Variants in ABLIM3 observed in about 807,000 individuals in gnomAD.
ABLIM3 encodes actin-binding LIM protein 3.
Under a neutral mutation model 109.5 loss-of-function variants are expected in ABLIM3, and 61 were observed. The observed-to-expected ratio is 0.56, with a 90% CI of 0.45 to 0.69. The LOEUF is 0.69. Among genes scored for constraint, ABLIM3 ranks in the 30% least tolerant of loss-of-function variants. The pLI is 0.00. For synonymous variants in ABLIM3, 300 were observed against 324.8 expected, an observed-to-expected ratio of 0.92 and a Z score of 0.82; for missense variants, 796 against 889.5, an observed-to-expected ratio of 0.89 and a Z score of 1.34.
At chr5:149,245,655 G>A (rs1474765314) in intron 16 of ABLIM3, among the ~76,000 whole-genome samples, 1 of 151,468 alleles carries the variant, frequency 6.6e-6, no homozygotes, top group Non-Finnish European at 1.5e-5. Flanking sequence ...GTAAAAAATG[G>A]TTGGGAGGAT....
intron 5 of ABLIM3, among the ~76,000 whole-genome samples, chr5:149,202,726 A>T (rs72837039): frequency 0.031 from 4,656 of 152,276 alleles, 105 homozygotes; most frequent in Non-Finnish European, 0.049. Flanking sequence ...ACCAAGAAAA[A>T]TACTCAGGAA....
intron 8 of ABLIM3, among the ~76,000 whole-genome samples, chr5:149,225,631 G>A (rs1443606699): frequency 6.6e-6 from 1 of 152,078 alleles, no homozygotes; most frequent in Non-Finnish European, 1.5e-5. Flanking sequence ...GTGACGTTTT[G>A]TGAGATTTTA....
intron 2 of ABLIM3, among the ~76,000 whole-genome samples, chr5:149,143,583 A>G (rs1580966689): frequency 6.6e-6 from 1 of 151,814 alleles, no homozygotes; most frequent in Admixed American, 6.6e-5. Context: ...TGAAAATAAA[A>G]TATATTTATT....
intron 8 of ABLIM3, among the ~76,000 whole-genome samples, chr5:149,225,597 A>G (rs1247814074): frequency 1.3e-5 from 2 of 152,180 alleles, no homozygotes; most frequent in African/African-American, 4.8e-5. Flanking sequence ...ATTGGGGAAC[A>G]GGATGGTGTT....
chr5:149,175,728 C>T (rs1755870169), intron 2 of ABLIM3, among the ~76,000 whole-genome samples: 1 of 152,162 alleles, frequency 6.6e-6, no homozygotes, highest in South Asian at 2.1e-4. Context: ...CCATTTAGTC[C>T]TCCTTGCTTG....
At chr5:149,151,904 C>G (rs544414430) in intron 2 of ABLIM3, among the ~76,000 whole-genome samples, 1 of 152,326 alleles carries the variant, frequency 6.6e-6, no homozygotes, top group South Asian at 2.1e-4. Context: ...AAGCATAATG[C>G]TGGAGATACA....
intron 8 of ABLIM3, among the ~76,000 whole-genome samples, chr5:149,228,268 C>A (rs1050099322): frequency 4.6e-5 from 7 of 152,186 alleles, no homozygotes; most frequent in Non-Finnish European, 1.0e-4. Context: ...TACAGAGAGT[C>A]ATTAAAATCT....
chr5:149,259,864 TGAAC>T lies in ABLIM3; in HGVS notation c.*1461_*1464del. On this transcript the variant is annotated 3_prime_UTR_variant, in exon 24 of 24. Transcript: ENST00000309868. ...TGGCAAATGTAGAACTGACTTAAATTGAACAAACCCTCACTGAGCACCTCTGATG... is the reference window on the plus strand; with the variant it reads ...TGGCAAATGTAGAACTGACTTAAATTAAACCCTCACTGAGCACCTCTGATG... The T allele has an allele frequency of 2.1e-6, 1 of 472,558 alleles. No individual in the cohort carries two copies. The highest frequency in any genetic ancestry group is 3.9e-6 in the Non-Finnish European group (1 of 259,228). The allele number at this position is 472,558 out of a possible 1,614,324, so 29.3% of individuals were successfully genotyped here. A position where few individuals can be genotyped will look rare whatever the true frequency, so the allele number is the denominator to read the frequency against.
At chr5:149,210,401 C>T (rs1043764969) in intron 6 of ABLIM3, among the ~76,000 whole-genome samples, 3 of 152,154 alleles carry the variant, frequency 2.0e-5, no homozygotes, top group East Asian at 1.9e-4. Flanking sequence ...AAGAGCCCGG[C>T]GCACACCAGC....
At chr5:149,242,600 G>A (rs1026235571) in intron 15 of ABLIM3, 62 bp downstream of exon 15, 1 of 1,563,060 alleles carries the variant, frequency 6.4e-7, no homozygotes, top group East Asian at 2.2e-5. Context: ...AACCATCTAT[G>A]CAGATGGCCC....
chr5:149,252,685 C>G, intron 22 of ABLIM3, 72 bp from the exon 23 acceptor site: 1 of 1,162,416 alleles, frequency 8.6e-7, no homozygotes, highest in Non-Finnish European at 1.3e-6. Flanking sequence ...AGAGCCCAGA[C>G]ACAAAATGTA....
chr5:149,250,443 TC>T lies in ABLIM3; in HGVS notation c.1730-3del. ...TGATAATTGCTCTAGATCCTTCTTTTCAGATCCTCTCATCTCCAAATCTGCC... is the reference window on the plus strand; with the variant it reads ...TGATAATTGCTCTAGATCCTTCTTTTAGATCCTCTCATCTCCAAATCTGCC... On this transcript the variant is annotated splice_polypyrimidine_tract_variant and splice_region_variant and intron_variant, in intron 19 of 23. Transcript: ENST00000309868. 1 of 1,614,120 alleles carries T rather than the reference TC, an allele frequency of 6.2e-7. No homozygotes were observed. Among genetic ancestry groups the T allele is most frequent in the Non-Finnish European group, 8.5e-7 (1 of 1,180,002 alleles).
chr5:149,157,096 C>G (rs1035922023), intron 2 of ABLIM3, among the ~76,000 whole-genome samples: 1 of 152,136 alleles, frequency 6.6e-6, no homozygotes, highest in Non-Finnish European at 1.5e-5. Flanking sequence ...CAGAGAGGAC[C>G]AGAAAGCGTT....
rs114106974 is a variant in ABLIM3 at position 149,203,208 on chromosome 5, C to T, written c.448+2780C>T. Among the ~76,000 whole-genome samples, 458 of 151,946 alleles carry T rather than the reference C, an allele frequency of 3.0e-3. 3 individuals are homozygous for T. The highest frequency in any genetic ancestry group is 0.01 in the African/African-American group (430 of 41,424). ...CCACCACTATCTTCACCATCACTAC[C>T]ATCATCATGAACAATACCATCAGTG... On this transcript the variant is annotated intron_variant, in intron 5 of 23. Coordinates refer to ENST00000309868, the MANE Select transcript of ABLIM3 (RefSeq NM_014945.5).
intron 23 of ABLIM3, 73 bp downstream of exon 23, chr5:149,252,910 C>T: frequency 1.7e-6 from 2 of 1,191,466 alleles, no homozygotes; most frequent in Non-Finnish European, 1.2e-6. Context: ...TAATCCAGCT[C>T]AAGAGGGCTG....
At chr5:149,175,419 A>G (rs1755837042) in intron 2 of ABLIM3, among the ~76,000 whole-genome samples, 1 of 152,224 alleles carries the variant, frequency 6.6e-6, no homozygotes, top group South Asian at 2.1e-4. Context: ...ATTCTAGAGA[A>G]AGCATAAGTT....
rs1331474090 is a variant in ABLIM3, at chr5:149,260,308, C to T, written c.*1904C>T. 6.6e-6 allele frequency: 1 copy of T among 152,652 alleles called. No homozygotes were observed. Among genetic ancestry groups the T allele is most frequent in the Non-Finnish European group, 1.5e-5 (1 of 68,052 alleles). The allele number at this position is 152,652 out of a possible 1,614,324, so 9.5% of individuals were successfully genotyped here. A position where few individuals can be genotyped will look rare whatever the true frequency, so the allele number is the denominator to read the frequency against. On this transcript the variant is annotated 3_prime_UTR_variant, in exon 24 of 24. Coordinates refer to ENST00000309868, the MANE Select transcript of ABLIM3 (RefSeq NM_014945.5). ...TTTCACTTTCCTGACCCTTTAGAAT[C>T]ATCCCCAGCCAGACGCAATCATGGA...
chr5:149,164,993 T>C (rs1754695586), intron 2 of ABLIM3, among the ~76,000 whole-genome samples: 1 of 152,348 alleles, frequency 6.6e-6, no homozygotes. Flanking sequence ...GTAGAACTGG[T>C]AATTATGGTT....
chr5:149,225,937 A>ATATATATATATG lies in ABLIM3; in HGVS notation c.758-4709_758-4708insATATATATGTAT, dbSNP rs1458950451. 8.3e-4 allele frequency among the ~76,000 whole-genome samples: 118 copies of ATATATATATATG among 141,452 alleles called. 1 individual carries two copies. The highest frequency in any genetic ancestry group is 3.0e-3 in the African/African-American group (111 of 36,770). The allele number at this position is 141,452 out of a possible 152,430, so 92.8% of individuals were successfully genotyped here. On this transcript the variant is annotated intron_variant, in intron 8 of 23. Coordinates refer to ENST00000309868, the MANE Select transcript of ABLIM3 (RefSeq NM_014945.5). Reference sequence around the variant, plus strand: ...CCATCATATATACATATATATATATATATGTATGTATGTATATAATATGTG... The same window carrying ATATATATATATG: ...CCATCATATATACATATATATATATATATATATATATGTATGTATGTATGTATATAATATGTG...
Sources: gnomAD v4.1 joint callset for allele counts (sites outside exome capture counted in the v4.1 genomes callset) on GRCh38, gnomAD v4.1.1 for gene constraint, MANE v1.5 for transcripts, NCBI Gene and HGNC (gene_info 2026-07-23, HGNC 2026-07-21) for gene names.